SSUH2: variants seen among roughly 807,000 people sequenced by gnomAD.
SSUH2 encodes protein SSUH2 homolog.
A neutral mutation model predicts 55.3 loss-of-function variants in SSUH2; 47 were observed. The observed-to-expected ratio is 0.85, with a 90% confidence interval of 0.67 to 1.08. The LOEUF (loss-of-function observed/expected upper bound fraction) is 1.08, where lower values mean the gene tolerates loss of function less well. Ranked by LOEUF, SSUH2 falls within the 50% of genes least tolerant of loss-of-function variation. The probability of loss-of-function intolerance (pLI) is 0.00; values close to 1 mark genes in which losing one functional copy is unlikely to be tolerated. For missense variants in SSUH2, 535 were observed against 490.7 expected, an observed-to-expected ratio of 1.09 and a Z score of -0.85; for synonymous variants, 212 against 191.5, an observed-to-expected ratio of 1.11 and a Z score of -0.89.
chr3:8,645,237 T>G (rs1483613552), upstream of SSUH2, among the ~76,000 whole-genome samples: 1 of 152,132 alleles, frequency 6.6e-6, no homozygotes, highest in Non-Finnish European at 1.5e-5. Flanking sequence ...ATACAGATAC[T>G]CAGCCTGGGC....
At chr3:8,637,185 A>C (rs1459791793) in intron 1 of SSUH2, among the ~76,000 whole-genome samples, 1 of 152,178 alleles carries the variant, frequency 6.6e-6, no homozygotes, top group East Asian at 1.9e-4. Flanking sequence ...CTGGTGTATT[A>C]AACGCCTTCT....
intron 1 of SSUH2, among the ~76,000 whole-genome samples, chr3:8,681,181 G>T (rs1418369095): frequency 9.2e-5 from 13 of 141,018 alleles, no homozygotes; most frequent in Non-Finnish European, 1.9e-4. Flanking sequence ...GTCACCCCAT[G>T]CAAGGCGGGG....
chr3:8,671,936 G>T (rs1239358994), exon 4 of SSUH2: 1 of 152,080 alleles, frequency 6.6e-6, no homozygotes, highest in Non-Finnish European at 1.5e-5. Context: ...ATGTTGACGG[G>T]ATTGTCAGTA....
intron 11 of SSUH2, 70 bp from the exon 12 acceptor site, chr3:8,620,084 A>G: frequency 6.4e-7 from 1 of 1,551,240 alleles, no homozygotes; most frequent in Non-Finnish European, 8.8e-7. Flanking sequence ...AGGAACTTTC[A>G]GTAGCTCCCT....
intron 10 of SSUH2, among the ~76,000 whole-genome samples, chr3:8,624,534 A>G (rs1275355561): frequency 1.3e-5 from 2 of 152,218 alleles, no homozygotes; most frequent in Non-Finnish European, 2.9e-5. Context: ...ACACCTCCCT[A>G]TAGTTTGAGG....
upstream of SSUH2, among the ~76,000 whole-genome samples, chr3:8,648,143 C>A (rs1273728975): frequency 6.6e-6 from 1 of 152,164 alleles, no homozygotes; most frequent in Non-Finnish European, 1.5e-5. Context: ...TCAGTTAAAC[C>A]TTCACAACAA....
Position 8,625,547 on chromosome 3 carries a change from A to T in SSUH2, c.868T>A (p.Ser290Thr), listed in dbSNP as rs1448738309. The T allele has an allele frequency of 6.2e-7, 1 of 1,609,358 alleles. No individual in the cohort carries two copies. The highest frequency in any genetic ancestry group is 2.2e-5 in the East Asian group (1 of 44,856). Residue 290 changes from serine to threonine, a missense_variant, in exon 10 of 12, where the codon TCG becomes ACG. Transcript: ENST00000544814. The part of the protein sequence containing the change: ...KGENLFKDEN[S>T]VVYPIVDFPL... Reference sequence around the variant, plus strand: ...CATCTACAATGCCCTCTTACCACCGAGTTTTCATCCTTAAAGAGGTTTTCT... The same window carrying T: ...CATCTACAATGCCCTCTTACCACCGTGTTTTCATCCTTAAAGAGGTTTTCT...
chr3:8,622,773 T>C (rs59835307), intron 11 of SSUH2, among the ~76,000 whole-genome samples: 2,611 of 152,232 alleles, frequency 0.017, 83 homozygotes, highest in African/African-American at 0.06. Context: ...GAAAGGGACA[T>C]TTTGAGCACC....
chr3:8,636,537 T>C (rs1559390934), intron 1 of SSUH2, among the ~76,000 whole-genome samples: 2 of 152,026 alleles, frequency 1.3e-5, no homozygotes, highest in African/African-American at 4.8e-5. Flanking sequence ...ATAAAAACAT[T>C]GTTGTTTTAA....
At chr3:8,656,990 CTTGCCTCAGCCTCCTGAG>C (rs1203539042) in intron 7 of SSUH2, among the ~76,000 whole-genome samples, 1 of 152,228 alleles carries the variant, frequency 6.6e-6, no homozygotes, top group African/African-American at 2.4e-5. Flanking sequence ...AAGTGATTCT[CTTGCCTCAGCCTCCTGAG>C]TAGCTGGGAC....
In SSUH2 at chr3:8,675,813, T is replaced by C. The variant is rs542332817; in HGVS notation, c.-753+1393A>G. ...TTTCATCAGTTAAAGGAAAAACTTC[T>C]GGCAGCCCCAGCCCTGGGGCTACCG... On this transcript the variant is annotated intron_variant, in intron 3 of 18. Transcript: ENST00000317371. Among the ~76,000 whole-genome samples the C allele has an allele frequency of 4.6e-5, 7 of 152,282 alleles. No individual in the cohort carries two copies. In the East Asian group the frequency reaches 5.8e-4, roughly 13 times the overall value.
At chr3:8,663,753 G>A (rs1258776339) in exon 6 of SSUH2, 1 of 455,474 alleles carries the variant, frequency 2.2e-6, no homozygotes, top group African/African-American at 2.0e-5. Context: ...CCTTAACAAG[G>A]ATTTCCCAAC....
rs560068305 is a variant in SSUH2, at chr3:8,622,233, A to G, written c.981+1316T>C. The stretch of plus-strand genomic sequence containing the variant: ...GCTCTAGGACCAAAGGCAAAATTAG[A>G]AAAAAGATTCAGAGAAGTGACCTCC... On this transcript the variant is annotated intron_variant, in intron 11 of 11. Transcript: ENST00000544814. 3.9e-5 allele frequency among the ~76,000 whole-genome samples: 6 copies of G among 152,300 alleles called. No homozygotes were observed. The East Asian group carries it at 9.6e-4, about 24-fold the overall frequency.
intron 6 of SSUH2, 152 bp downstream of exon 6, chr3:8,630,653 T>A (rs1369890491): frequency 4.2e-6 from 3 of 707,454 alleles, no homozygotes; most frequent in Non-Finnish European, 6.0e-6. Context: ...TACCAGGTTT[T>A]ATTAAATTAC....
At chr3:8,656,501 T>A (rs1359444731) in intron 7 of SSUH2, among the ~76,000 whole-genome samples, 1 of 152,186 alleles carries the variant, frequency 6.6e-6, no homozygotes, top group Non-Finnish European at 1.5e-5. Context: ...AGTCACTGAC[T>A]GTGACCCAGG....
At chr3:8,629,308 T>G in intron 7 of SSUH2, 1 of 266,302 alleles carries the variant, frequency 3.8e-6, no homozygotes, top group East Asian at 8.7e-5. Context: ...ATGGAGTTGC[T>G]TGTTGGTTTC....
chr3:8,664,695 C>T (rs1478070308), intron 5 of SSUH2, among the ~76,000 whole-genome samples: 2 of 152,206 alleles, frequency 1.3e-5, no homozygotes, highest in South Asian at 2.1e-4. Context: ...GCTCCCAGCT[C>T]GGTGCTTTGA....
rs182535191 is a variant in SSUH2, at chr3:8,631,925, A to T, written c.400+124T>A. 1.5e-5 allele frequency: 11 copies of T among 738,914 alleles called. No homozygotes were observed. The East Asian group carries it at 2.1e-4, about 14-fold the overall frequency. 45.8% of individuals were successfully genotyped at this position (738,914 alleles called of 1,614,324 possible). A position where few individuals can be genotyped will look rare whatever the true frequency, so the allele number is the denominator to read the frequency against. The stretch of plus-strand genomic sequence containing the variant: ...CCTCTCATTTTGCAGGGGGTAAGGA[A>T]GCCAAGGCTCCAAGCAGAAGACCAT... On this transcript the variant is annotated intron_variant, in intron 5 of 11. Transcript: ENST00000544814.
rs376859372 is a variant in SSUH2 at position 8,639,879 on chromosome 3, A to G, written c.29-4022T>C. The G allele has an allele frequency of 1.4e-4, 117 of 853,612 alleles. 1 individual carries two copies. The African/African-American group carries it at 1.8e-3, about 13-fold the overall frequency. The allele number at this position is 853,612 out of a possible 1,614,324, so 52.9% of individuals were successfully genotyped here. A position where few individuals can be genotyped will look rare whatever the true frequency, so the allele number is the denominator to read the frequency against. On this transcript the variant is annotated intron_variant, in intron 1 of 11. Coordinates refer to ENST00000544814, the MANE Select transcript of SSUH2 (RefSeq NM_001256748.3). ...CTGTCTCGTATAAGAAAGGAATGGCATTCAACACTTAAACAAAGAGTGGGA... is the reference window on the plus strand; with the variant it reads ...CTGTCTCGTATAAGAAAGGAATGGCGTTCAACACTTAAACAAAGAGTGGGA...
Sources: allele counts gnomAD v4.1 joint callset (sites outside exome capture counted in the v4.1 genomes callset), GRCh38; gene constraint gnomAD v4.1.1; transcripts MANE v1.5; gene names NCBI Gene and HGNC (gene_info 2026-07-23, HGNC 2026-07-21).